PID1: variants seen among roughly 807,000 people sequenced by gnomAD.
PID1 encodes phosphotyrosine interaction domain containing 1, also known as PTB-containing, cubilin and LRP1-interacting protein.
In PID1, 10 loss-of-function variants were observed where a neutral mutation model predicts 19.1. The observed-to-expected ratio is 0.52, with a 90% CI of 0.32 to 0.89. The LOEUF (loss-of-function observed/expected upper bound fraction) is 0.89. PID1 is among the 40% of genes least tolerant of loss of function. The pLI, the probability that PID1 is intolerant of heterozygous loss-of-function variation, is 0.03. For synonymous variants in PID1, 130 were observed against 116.0 expected, an observed-to-expected ratio of 1.12 and a Z score of -0.78; for missense variants, 248 against 285.3, an observed-to-expected ratio of 0.87 and a Z score of 0.94.
Position 229,260,816 on chromosome 2 carries a change from C to CTTTTTTTTTTTTTTTTTTTTTTTTT in PID1, c.30+10197_30+10198insAAAAAAAAAAAAAAAAAAAAAAAAA, listed in dbSNP as rs1319033110. 2.5e-5 allele frequency among the ~76,000 whole-genome samples: 3 copies of CTTTTTTTTTTTTTTTTTTTTTTTTT among 121,188 alleles called. 1 individual carries two copies. Among genetic ancestry groups the CTTTTTTTTTTTTTTTTTTTTTTTTT allele is most frequent in the Admixed American group, 9.4e-5 (1 of 10,688 alleles). The allele number at this position is 121,188 out of a possible 152,430, so 79.5% of individuals were successfully genotyped here. ...CAGATGTAGAGAAAATTCTGATTGCCATTTTTTTTTTTTTTTTTTTTTTGG... is the reference window on the plus strand; with the variant it reads ...CAGATGTAGAGAAAATTCTGATTGCCTTTTTTTTTTTTTTTTTTTTTTTTTATTTTTTTTTTTTTTTTTTTTTTGG... On this transcript the variant is annotated intron_variant, in intron 1 of 2. Transcript: ENST00000392055.
At chr2:229,091,291 G>T (rs17475974) in intron 2 of PID1, among the ~76,000 whole-genome samples, 7,400 of 151,740 alleles carry the variant, frequency 0.049, 298 homozygotes, top group Non-Finnish European at 0.081. Flanking sequence ...CAAAGCAATG[G>T]GTTTAGACAG....
chr2:229,043,854 C>T (rs1407783311), intron 2 of PID1, among the ~76,000 whole-genome samples: 2 of 152,090 alleles, frequency 1.3e-5, no homozygotes, highest in Non-Finnish European at 2.9e-5. Flanking sequence ...CTTGGCAATG[C>T]CCGGGGCAGA....
intron 1 of PID1, among the ~76,000 whole-genome samples, chr2:229,244,055 A>T (rs1689941361): frequency 6.6e-6 from 1 of 152,158 alleles, no homozygotes; most frequent in Non-Finnish European, 1.5e-5. Context: ...CTGGGACTAA[A>T]TTACTCATTT....
intron 2 of PID1, among the ~76,000 whole-genome samples, chr2:229,059,388 C>T (rs1047605037): frequency 5.9e-5 from 9 of 152,218 alleles, no homozygotes; most frequent in Admixed American, 5.2e-4. Flanking sequence ...TACATGAAAG[C>T]ATCGCTGAAT....
At chr2:229,140,244 A>G (rs1689984232) in intron 2 of PID1, among the ~76,000 whole-genome samples, 3 of 152,188 alleles carry the variant, frequency 2.0e-5, no homozygotes, top group Admixed American at 6.6e-5. Flanking sequence ...CGACACTGGA[A>G]TCCTCCACCA....
chr2:229,034,905 G>C (rs1202139449), intron 2 of PID1, among the ~76,000 whole-genome samples: 3 of 152,074 alleles, frequency 2.0e-5, no homozygotes. Context: ...ATCAAAACTA[G>C]GCCACTCATT....
At chr2:229,080,442 A>C (rs1402889868) in intron 2 of PID1, among the ~76,000 whole-genome samples, 1 of 152,052 alleles carries the variant, frequency 6.6e-6, no homozygotes, top group Non-Finnish European at 1.5e-5. Context: ...TAGCTTCCTG[A>C]CTTACTTTGT....
At chr2:229,043,989 T>C (rs146382476) in intron 2 of PID1, among the ~76,000 whole-genome samples, 7 of 152,336 alleles carry the variant, frequency 4.6e-5, no homozygotes, top group Admixed American at 1.3e-4. Flanking sequence ...CCCTTCCATA[T>C]TTCAGGACCT....
intron 2 of PID1, among the ~76,000 whole-genome samples, chr2:229,109,030 A>G (rs1695235223): frequency 6.6e-6 from 1 of 152,204 alleles, no homozygotes; most frequent in Non-Finnish European, 1.5e-5. Flanking sequence ...GTCATATCAC[A>G]TGGTTAATTC....
At chr2:229,033,800 A>G (rs535869796) in intron 2 of PID1, among the ~76,000 whole-genome samples, 2 of 152,358 alleles carry the variant, frequency 1.3e-5, no homozygotes, top group South Asian at 4.1e-4. Flanking sequence ...TGGGAATCCT[A>G]ATAGCCTTTG....
chr2:229,062,011 T>C (rs1358359904), intron 2 of PID1, among the ~76,000 whole-genome samples: 1 of 152,054 alleles, frequency 6.6e-6, no homozygotes, highest in Non-Finnish European at 1.5e-5. Context: ...CAGGGTTTTA[T>C]ACATGTAAGA....
At chr2:229,113,662 GCTAA>G (rs1347407722) in intron 2 of PID1, among the ~76,000 whole-genome samples, 10 of 150,344 alleles carry the variant, frequency 6.7e-5, no homozygotes, top group East Asian at 2.0e-4. Context: ...GCACAGTGAG[GCTAA>G]CTAATTGATG....
chr2:229,090,216 T>C (rs1410353408), intron 2 of PID1, among the ~76,000 whole-genome samples: 3 of 152,168 alleles, frequency 2.0e-5, no homozygotes, highest in Non-Finnish European at 4.4e-5. Context: ...TTATGTCTCA[T>C]CAAATAAGCT....
At chr2:229,215,925 T>C (rs575017215) in intron 1 of PID1, among the ~76,000 whole-genome samples, 173 of 152,304 alleles carry the variant, frequency 1.1e-3, no homozygotes, top group African/African-American at 4.1e-3. Context: ...TTTAAAAATA[T>C]AATCAAAATC....
chr2:229,159,670 T>C (rs555633384), intron 1 of PID1, among the ~76,000 whole-genome samples: 1 of 152,278 alleles, frequency 6.6e-6, no homozygotes, highest in South Asian at 2.1e-4. Flanking sequence ...TGAACCCCAA[T>C]TGTTACAGCC....
intron 2 of PID1, among the ~76,000 whole-genome samples, chr2:229,031,684 C>T (rs546150500): frequency 9.9e-5 from 15 of 152,280 alleles, no homozygotes; most frequent in Middle Eastern, 6.8e-3. Flanking sequence ...CTTTAAATAG[C>T]GTGTCCCTAA....
At chr2:229,150,777 C>T (rs950211765) in intron 2 of PID1, among the ~76,000 whole-genome samples, 6 of 149,838 alleles carry the variant, frequency 4.0e-5, no homozygotes, top group Non-Finnish European at 7.4e-5. Flanking sequence ...TATAGGAACT[C>T]GGTGGGCATT....
At chr2:229,205,645 T>C (rs1472663854) in intron 1 of PID1, among the ~76,000 whole-genome samples, 7 of 152,090 alleles carry the variant, frequency 4.6e-5, no homozygotes, top group African/African-American at 1.7e-4. Context: ...AGTTACAAGA[T>C]CAGCAGCAGG....
intron 1 of PID1, among the ~76,000 whole-genome samples, chr2:229,240,143 C>G (rs941420750): frequency 1.3e-5 from 2 of 152,096 alleles, no homozygotes; most frequent in African/African-American, 4.8e-5. Context: ...CAGATGCAAA[C>G]AGATACATTG....
Sources: gnomAD v4.1 joint callset for allele counts (sites outside exome capture counted in the v4.1 genomes callset) on GRCh38, gnomAD v4.1.1 for gene constraint, MANE v1.5 for transcripts, NCBI Gene and HGNC (gene_info 2026-07-23, HGNC 2026-07-21) for gene names.